SLC41A2: variants seen among roughly 807,000 people sequenced by gnomAD.
SLC41A2 encodes SLC41A1-like 1.
SLC41A2 carries 32 observed loss-of-function variants against 58.3 expected under a neutral mutation model. The observed-to-expected ratio is 0.55, with a 90% CI of 0.41 to 0.74. The LOEUF is 0.74. Among genes scored for constraint, SLC41A2 ranks in the 30% least tolerant of loss-of-function variants. SLC41A2 has a pLI of 0.00. For synonymous variants in SLC41A2, 190 were observed against 235.0 expected, an observed-to-expected ratio of 0.81 and a Z score of 1.75; for missense variants, 514 against 680.6, an observed-to-expected ratio of 0.76 and a Z score of 2.72.
At chr12:104,847,777 C>A (rs951075012) in intron 8 of SLC41A2, among the ~76,000 whole-genome samples, 2 of 152,088 alleles carry the variant, frequency 1.3e-5, no homozygotes, top group African/African-American at 4.8e-5. Flanking sequence ...TTCTTGGAAA[C>A]AGACTGTAAG....
intron 1 of SLC41A2, among the ~76,000 whole-genome samples, chr12:104,945,660 CT>C (rs762390643): frequency 1.6e-4 from 25 of 152,162 alleles, no homozygotes; most frequent in East Asian, 1.2e-3. Context: ...GGACATACTG[CT>C]TTGCATCCTG....
intron 10 of SLC41A2, among the ~76,000 whole-genome samples, chr12:104,831,236 T>C (rs2042023346): frequency 6.6e-6 from 1 of 152,066 alleles, no homozygotes; most frequent in Non-Finnish European, 1.5e-5. Context: ...TTAAAATCTC[T>C]TTCTCTCTCT....
At chr12:104,899,923 C>T (rs1005432810) in intron 3 of SLC41A2, among the ~76,000 whole-genome samples, 1 of 152,058 alleles carries the variant, frequency 6.6e-6, no homozygotes, top group Non-Finnish European at 1.5e-5. Context: ...GTTGTTGTTA[C>T]CAGACTCATT....
At chr12:104,931,343 AT>A (rs1407255887) in intron 1 of SLC41A2, among the ~76,000 whole-genome samples, 1 of 152,214 alleles carries the variant, frequency 6.6e-6, no homozygotes, top group Admixed American at 6.5e-5. Flanking sequence ...TCTAGTAGGT[AT>A]ATCAATCACA....
chr12:104,898,746 G>T (rs1013794788), intron 3 of SLC41A2, among the ~76,000 whole-genome samples: 2 of 151,858 alleles, frequency 1.3e-5, no homozygotes, highest in African/African-American at 4.8e-5. Flanking sequence ...TCTAATAAAG[G>T]GCTGCTATCC....
intron 1 of SLC41A2, among the ~76,000 whole-genome samples, chr12:104,957,122 C>CCCA (rs1237299509): frequency 6.6e-6 from 1 of 152,168 alleles, no homozygotes; most frequent in Non-Finnish European, 1.5e-5. Flanking sequence ...TGGCCAAAAA[C>CCCA]TGGAAACAAC....
intron 2 of SLC41A2, among the ~76,000 whole-genome samples, chr12:104,922,129 C>T (rs181847541): frequency 1.3e-5 from 2 of 152,050 alleles, no homozygotes; most frequent in East Asian, 3.9e-4. Flanking sequence ...ACAAAACAGG[C>T]AGAAAATAAG....
At chr12:104,817,328 A>C (rs971564426) in intron 10 of SLC41A2, among the ~76,000 whole-genome samples, 9 of 152,204 alleles carry the variant, frequency 5.9e-5, no homozygotes, top group Non-Finnish European at 1.0e-4. Context: ...GTGAATGTGA[A>C]GGCCTGGGAC....
At chr12:104,918,628 G>GAAAAAAAAAAAA (rs34865307) in intron 2 of SLC41A2, among the ~76,000 whole-genome samples, 9 of 111,504 alleles carry the variant, frequency 8.1e-5, no homozygotes, top group Admixed American at 2.0e-4. Flanking sequence ...GGAGATACAT[G>GAAAAAAAAAAAA]AAAAAAAAAA....
At chr12:104,888,737 A>G (rs544577328) in intron 5 of SLC41A2, among the ~76,000 whole-genome samples, 2 of 152,258 alleles carry the variant, frequency 1.3e-5, no homozygotes, top group Admixed American at 6.5e-5. Flanking sequence ...GAGTTTCCCA[A>G]TTTATTTAAC....
At chr12:104,933,680 CACACACACAT>C (rs2047153690) in intron 1 of SLC41A2, among the ~76,000 whole-genome samples, 1 of 149,782 alleles carries the variant, frequency 6.7e-6, no homozygotes, top group Non-Finnish European at 1.5e-5. Flanking sequence ...AATAAATACA[CACACACACAT>C]ACACACACAC....
rs555573571 is a variant in SLC41A2, at chr12:104,877,280, T to C, written c.1027+9013A>G. On this transcript the variant is annotated intron_variant, in intron 6 of 10. Coordinates refer to ENST00000258538, the MANE Select transcript of SLC41A2 (RefSeq NM_001352171.3). ...AGAATAAAAATATTAGGCATCCAAC[T>C]GCTGATCTTAGGAGGCCCCCTAGTG... Among the ~76,000 whole-genome samples, 4 of 152,340 alleles carry C rather than the reference T, an allele frequency of 2.6e-5. No homozygotes were observed. The South Asian group carries it at 8.3e-4, about 32-fold the overall frequency.
At chr12:104,853,911 A>ATTATTTTTT in intron 8 of SLC41A2, among the ~76,000 whole-genome samples, 1 of 59,494 alleles carries the variant, frequency 1.7e-5, no homozygotes, top group African/African-American at 6.9e-5. Context: ...TGCCTGGCTG[A>ATTATTTTTT]TTTTTTTTTT....
intron 2 of SLC41A2, among the ~76,000 whole-genome samples, chr12:104,924,112 C>T (rs929610290): frequency 3.3e-5 from 5 of 152,122 alleles, no homozygotes; most frequent in African/African-American, 1.2e-4. Context: ...TCCCATAAAT[C>T]TATAAGAAAA....
chr12:104,827,233 C>T (rs1175987731), intron 10 of SLC41A2, among the ~76,000 whole-genome samples: 1 of 152,144 alleles, frequency 6.6e-6, no homozygotes, highest in Non-Finnish European at 1.5e-5. Context: ...TCAGGCAGCC[C>T]CTGATATCAG....
chr12:104,874,366 G>A (rs1462686835), intron 6 of SLC41A2, among the ~76,000 whole-genome samples: 2 of 152,066 alleles, frequency 1.3e-5, no homozygotes, highest in South Asian at 2.1e-4. Flanking sequence ...GAGCCATCAC[G>A]CCCAGCCAAA....
chr12:104,862,437 C>T lies in SLC41A2; in HGVS notation c.1176-1067G>A, dbSNP rs149116791. 8.6e-3 allele frequency among the ~76,000 whole-genome samples: 1,307 copies of T among 152,174 alleles called. 37 individuals carry two copies. The East Asian group carries it at 0.12, about 14-fold the overall frequency. ...AACTAGTTCTGAGTCAAAAAATAAA[C>T]CTCCCTGACAAAATATATAGATCAT... On this transcript the variant is annotated intron_variant, in intron 7 of 10. Transcript: ENST00000258538.
intron 10 of SLC41A2, among the ~76,000 whole-genome samples, chr12:104,825,813 A>C (rs924756862): frequency 6.6e-6 from 1 of 152,206 alleles, no homozygotes; most frequent in African/African-American, 2.4e-5. Context: ...CTGCCAACTG[A>C]AACCCACCCC....
At chr12:104,942,476 C>CA (rs34008453) in intron 1 of SLC41A2, among the ~76,000 whole-genome samples, 22,999 of 131,290 alleles carry the variant, frequency 0.18, 2,201 homozygotes, top group East Asian at 0.45. Context: ...AGATCTTGTC[C>CA]AAAAAAAAAA....
Sources: gnomAD v4.1 joint callset for allele counts (sites outside exome capture counted in the v4.1 genomes callset) on GRCh38, gnomAD v4.1.1 for gene constraint, MANE v1.5 for transcripts, NCBI Gene and HGNC (gene_info 2026-07-23, HGNC 2026-07-21) for gene names.